The following FERRY3 variants were observed in gnomAD, a reference collection of about 807,000 sequenced individuals.
FERRY3 encodes FERRY endosomal RAB5 effector complex subunit 3.
At chr12:4,492,630 G>A in the FERRY3 span, among the ~76,000 whole-genome samples, 1 of 152,108 alleles carries the variant, frequency 6.6e-6, no homozygotes, top group Non-Finnish European at 1.5e-5. Context: ...CCCTGGGGCT[G>A]ATATAGCATC....
At chr12:4,516,854 T>TA in the FERRY3 span, among the ~76,000 whole-genome samples, 2 of 152,122 alleles carry the variant, frequency 1.3e-5, no homozygotes, top group African/African-American at 2.4e-5. Flanking sequence ...CCCTGGAACT[T>TA]AAAGTAAAAG....
At chr12:4,525,939 A>G in the FERRY3 span, among the ~76,000 whole-genome samples, 1 of 152,186 alleles carries the variant, frequency 6.6e-6, no homozygotes, top group Non-Finnish European at 1.5e-5. Flanking sequence ...AGGCTCTGCA[A>G]TTTCAGCTTA....
the FERRY3 span, among the ~76,000 whole-genome samples, chr12:4,492,635 A>G: frequency 6.6e-6 from 1 of 152,066 alleles, no homozygotes; most frequent in Non-Finnish European, 1.5e-5. Context: ...GGGCTGATAT[A>G]GCATCAAATT....
At chr12:4,515,445 C>A in the FERRY3 span, among the ~76,000 whole-genome samples, 1 of 152,168 alleles carries the variant, frequency 6.6e-6, no homozygotes, top group Admixed American at 6.5e-5. Flanking sequence ...AACAGACACA[C>A]AAAGGAATAT....
chr12:4,493,029 T>C, the FERRY3 span, among the ~76,000 whole-genome samples: 1 of 152,332 alleles, frequency 6.6e-6, no homozygotes, highest in African/African-American at 2.4e-5. Context: ...TTCTTCTACC[T>C]ACAATGCCCT....
the FERRY3 span, among the ~76,000 whole-genome samples, chr12:4,526,568 G>A: frequency 2.6e-5 from 4 of 152,182 alleles, 1 homozygote; most frequent in South Asian, 8.3e-4. Flanking sequence ...TTGGCCAGGC[G>A]CGATGGCTCA....
the FERRY3 span, among the ~76,000 whole-genome samples, chr12:4,532,906 T>G: frequency 6.6e-6 from 1 of 152,186 alleles, no homozygotes; most frequent in African/African-American, 2.4e-5. Context: ...AGTCGGGCTT[T>G]AGAGAGCTGT....
the FERRY3 span, among the ~76,000 whole-genome samples, chr12:4,491,602 A>G: frequency 2.0e-5 from 3 of 152,228 alleles, no homozygotes; most frequent in South Asian, 6.2e-4. Context: ...AAATGTTTTT[A>G]CTGTATAATA....
the FERRY3 span, chr12:4,525,485 T>G: frequency 6.2e-7 from 1 of 1,610,850 alleles, no homozygotes; most frequent in African/African-American, 1.3e-5. Context: ...TTCACTTACT[T>G]GCTGGGATTC....
At chr12:4,529,215 A>G in the FERRY3 span, among the ~76,000 whole-genome samples, 1 of 152,180 alleles carries the variant, frequency 6.6e-6, no homozygotes, top group Non-Finnish European at 1.5e-5. Flanking sequence ...AAAGATAAAT[A>G]ATAAAAGCAT....
chr12:4,536,115 T>C, the FERRY3 span: 2 of 1,608,488 alleles, frequency 1.2e-6, no homozygotes, highest in Non-Finnish European at 1.7e-6. Context: ...CACTCTCAGT[T>C]CTAAGCACTG....
the FERRY3 span, among the ~76,000 whole-genome samples, chr12:4,526,200 A>G: frequency 1.3e-5 from 2 of 152,300 alleles, no homozygotes; most frequent in African/African-American, 2.4e-5. Flanking sequence ...AAGTACAGAT[A>G]ATGGTTATTT....
At chr12:4,526,648 C>T in the FERRY3 span, among the ~76,000 whole-genome samples, 1 of 151,998 alleles carries the variant, frequency 6.6e-6, no homozygotes, top group Admixed American at 6.6e-5. Context: ...TCAAGACCAG[C>T]CTGGCCAACG....
the FERRY3 span, chr12:4,529,777 C>A: frequency 9.0e-7 from 1 of 1,110,404 alleles, no homozygotes. Flanking sequence ...TCTATCTTAT[C>A]CTTTTTGTAA....
chr12:4,510,824 G>A, the FERRY3 span, among the ~76,000 whole-genome samples: 1 of 149,974 alleles, frequency 6.7e-6, no homozygotes, highest in African/African-American at 2.5e-5. Context: ...AGACTAGGAA[G>A]AAACTGCATC....
At chr12:4,517,048 G>C in the FERRY3 span, 5 of 1,523,690 alleles carry the variant, frequency 3.3e-6, no homozygotes, top group Middle Eastern at 1.7e-4. Flanking sequence ...TAATAAAAGT[G>C]AGTTTTACCC....
the FERRY3 span, among the ~76,000 whole-genome samples, chr12:4,506,871 G>A: frequency 6.6e-6 from 1 of 152,172 alleles, no homozygotes; most frequent in African/African-American, 2.4e-5. Flanking sequence ...ATGTAAACAT[G>A]CAGAACACAC....
chr12:4,512,010 AAAAG>A, the FERRY3 span, among the ~76,000 whole-genome samples: 106 of 121,168 alleles, frequency 8.7e-4, no homozygotes, highest in Non-Finnish European at 1.2e-3. Context: ...AATAAAGAAA[AAAAG>A]AGAGAAGAAT....
the FERRY3 span, among the ~76,000 whole-genome samples, chr12:4,519,830 C>T: frequency 6.6e-6 from 1 of 152,226 alleles, no homozygotes; most frequent in Admixed American, 6.5e-5. The surrounding 1 kb of genome is among the most constrained non-coding windows in gnomAD (Gnocchi z 4.3). Context: ...AGGTTGTGTG[C>T]TCCTTGTGGA....
Sources: gnomAD v4.1 joint callset for allele counts (sites outside exome capture counted in the v4.1 genomes callset) on GRCh38, gnomAD v4.1.1 for gene constraint, Gnocchi (gnomAD v3.1) non-coding constraint, MANE v1.5 for transcripts, NCBI Gene and HGNC (gene_info 2026-07-23, HGNC 2026-07-21) for gene names.